FLAD1: variants seen among roughly 807,000 people sequenced by gnomAD.
FLAD1 encodes the protein flavin adenine dinucleotide synthetase 1.
FLAD1 carries 35 observed loss-of-function variants against 55.0 expected under a neutral mutation model. The ratio of observed to expected loss-of-function variants is 0.64; its 90% CI spans 0.49 to 0.84. The LOEUF is 0.84. Ranked by LOEUF, FLAD1 falls within the 40% of genes least tolerant of loss-of-function variation. The pLI is 0.00. For synonymous variants in FLAD1, 267 were observed against 303.0 expected (o/e 0.88, Z 1.23); for missense variants, 665 against 742.6 (o/e 0.90, Z 1.21).
In FLAD1 at chr1:154,983,653, G is replaced by T; in HGVS notation, c.-42G>T. Reference sequence around the variant, plus strand: ...AAAGTGGTAGGTTCTCAAGAGAGAAGAAGTTTTTAAGACTAGAGCTAAGCA... The same window carrying T: ...AAAGTGGTAGGTTCTCAAGAGAGAATAAGTTTTTAAGACTAGAGCTAAGCA... On this transcript the variant is annotated 5_prime_UTR_variant, in exon 1 of 7. Coordinates refer to ENST00000292180, the MANE Select transcript of FLAD1 (RefSeq NM_025207.5). 5 of 1,561,668 alleles carry T rather than the reference G, an allele frequency of 3.2e-6. No homozygotes were observed. Among genetic ancestry groups the T allele is most frequent in the Non-Finnish European group, 4.3e-6 (5 of 1,153,154 alleles).
Position 154,990,504 on chromosome 1 carries a change from A to C in FLAD1, c.1530A>C (p.Ala510=), listed in dbSNP as rs570971151. The C allele has an allele frequency of 4.4e-6, 7 of 1,608,646 alleles. No homozygotes were observed. The highest frequency in any genetic ancestry group is 1.7e-4 in the Middle Eastern group (1 of 6,038). ...GCCCCACTGACCCAGGCTGGCCCGC[A>C]TTCATGCGCATCAACCCACTGCTGG... ...PFSPTDPGWP[A]FMRINPLLDW... Residue 510 remains alanine, a synonymous_variant, in exon 5 of 7, where the codon GCA becomes GCC. Transcript: ENST00000292180.
chr1:154,990,707 A>G (rs1657821951), intron 5 of FLAD1, 179 bp downstream of exon 5: 1 of 569,592 alleles, frequency 1.8e-6, no homozygotes, highest in African/African-American at 1.9e-5. Flanking sequence ...ATTGAGCCCA[A>G]ATTCAATAGC....
rs566034203 is a variant in FLAD1, at chr1:154,990,377, A to T, written c.1403A>T (p.Lys468Met). Residue 468 changes from lysine to methionine, a missense_variant, in exon 5 of 7, where the codon AAG (lysine) becomes ATG (methionine). Transcript: ENST00000292180. ...ATGTTGGAAGCTGAGGGCAGCATGA[A>T]GCAGGCCCTGGGTGAACTGCAGGCA... ...LQMLEAEGSM[K>M]QALGELQARH... The T allele has an allele frequency of 6.2e-6, 10 of 1,614,054 alleles. No homozygotes were observed. The East Asian group carries it at 2.0e-4, about 32-fold the overall frequency.
In FLAD1 at chr1:154,993,036, G is replaced by A. The variant is rs945885147; in HGVS notation, c.1763G>A (p.Ter588=). 5 of 1,613,882 alleles carry A rather than the reference G, an allele frequency of 3.1e-6. No individual in the cohort carries two copies. The African/African-American group carries it at 6.7e-5, about 22-fold the overall frequency. ...GAAGAGGAGCGGAACTCCCGCACAT[G>A]ACCTCCCACCCTAGGAGGGAGGGAA... is the stretch of plus-strand genomic sequence containing the variant. ...NEEEERNSRT[*] Residue 588 remains the stop codon, a stop_retained_variant, in exon 7 of 7, where the codon TGA becomes TAA. Coordinates refer to ENST00000292180, the MANE Select transcript of FLAD1 (RefSeq NM_025207.5).
rs1304517925 is a variant in FLAD1, at chr1:154,993,049, A to G, written c.*12A>G. 6 of 1,611,052 alleles carry G rather than the reference A, an allele frequency of 3.7e-6. No individual in the cohort carries two copies. The highest frequency in any genetic ancestry group is 5.1e-6 in the Non-Finnish European group (6 of 1,177,366). ...ACTCCCGCACATGACCTCCCACCCTAGGAGGGAGGGAAGGACACCGTCCTA... is the reference window on the plus strand; with the variant it reads ...ACTCCCGCACATGACCTCCCACCCTGGGAGGGAGGGAAGGACACCGTCCTA... On this transcript the variant is annotated 3_prime_UTR_variant, in exon 7 of 7. Transcript: ENST00000292180.
At chr1:154,985,914 C>T (rs1169902755) in intron 1 of FLAD1, among the ~76,000 whole-genome samples, 4 of 143,956 alleles carry the variant, frequency 2.8e-5, no homozygotes, top group Non-Finnish European at 6.1e-5. Context: ...TTAGTAGAGA[C>T]GGGGTTTCTC....
rs771744137 is a variant in FLAD1, at chr1:154,988,865, A to G, written c.1117+16A>G. ...GCTGAATCAGGTAGGGACCTTATGG[A>G]GGAGGGGCATTATGCCCAAAGCCAT... On this transcript the variant is annotated intron_variant, in intron 2 of 6. Transcript: ENST00000292180. The G allele has an allele frequency of 1.6e-5, 26 of 1,613,752 alleles. No individual in the cohort carries two copies. The highest frequency in any genetic ancestry group is 2.2e-5 in the Non-Finnish European group (26 of 1,179,808).
At chr1:154,985,404 CTTT>C (rs112698790) in intron 1 of FLAD1, among the ~76,000 whole-genome samples, 1 of 137,272 alleles carries the variant, frequency 7.3e-6, no homozygotes, top group Non-Finnish European at 1.6e-5. Flanking sequence ...TTAATAGACC[CTTT>C]TTTTTTTTTT....
In FLAD1 at chr1:154,983,727, G is replaced by C. The variant is rs923253012; in HGVS notation, c.33G>C (p.Gln11His). Reference protein sequence around the residue: MGWDLGTRLFQRQEQRSRLSR... With the variant: MGWDLGTRLFHRQEQRSRLSR... Reference sequence around the variant, plus strand: ...GGGATTTGGGAACACGTTTATTCCAGAGGCAGGAACAAAGGAGTCGCTTGT... The same window carrying C: ...GGGATTTGGGAACACGTTTATTCCACAGGCAGGAACAAAGGAGTCGCTTGT... Residue 11 changes from glutamine (Q) to histidine (H), a missense_variant, in exon 1 of 7, where the codon CAG becomes CAC. Coordinates refer to ENST00000292180, the MANE Select transcript of FLAD1 (RefSeq NM_025207.5). 4 of 1,613,424 alleles carry C rather than the reference G, an allele frequency of 2.5e-6. No homozygotes were observed. In the Admixed American group the frequency reaches 6.7e-5, roughly 27 times the overall value.
chr1:154,990,214 C>T lies in FLAD1; in HGVS notation c.1321C>T (p.Pro441Ser). Residue 441 changes from proline (P) to serine (S), a missense_variant, in exon 4 of 7, where the codon CCT becomes TCT. By Grantham distance (74) the Pro-to-Ser change is moderately conservative. Coordinates refer to ENST00000292180, the MANE Select transcript of FLAD1 (RefSeq NM_025207.5). ...GATCCTGTATATCCGCAGCATCTCCCCTTTCCCTGAGCTGGAACAGTTTCT... is the reference window on the plus strand; with the variant it reads ...GATCCTGTATATCCGCAGCATCTCCTCTTTCCCTGAGCTGGAACAGTTTCT... ...LQILYIRSISPFPELEQFLQD... is the reference protein window; with the variant it reads ...LQILYIRSISSFPELEQFLQD... The T allele has an allele frequency of 6.2e-7, 1 of 1,614,170 alleles. No homozygotes were observed. Among genetic ancestry groups the T allele is most frequent in the Non-Finnish European group, 8.5e-7 (1 of 1,180,020 alleles).
Position 154,983,746 on chromosome 1 carries a change from C to G in FLAD1, c.52C>G (p.Arg18Gly), listed in dbSNP as rs773063030. Residue 18 changes from arginine to glycine, a missense_variant, in exon 1 of 7, where the codon CGC becomes GGC. Arg to Gly is a moderately radical substitution (Grantham distance 125). Transcript: ENST00000292180. ...ATTCCAGAGGCAGGAACAAAGGAGT[C>G]GCTTGTCAAGGATCTGGTTAGAGAA... ...RLFQRQEQRSRLSRIWLEKTR... is the reference protein window; with the variant it reads ...RLFQRQEQRSGLSRIWLEKTR... The G allele has an allele frequency of 1.2e-6, 2 of 1,613,876 alleles. No homozygotes were observed. The highest frequency in any genetic ancestry group is 2.7e-5 in the African/African-American group (2 of 74,922).
intron 1 of FLAD1, among the ~76,000 whole-genome samples, chr1:154,984,708 CAAAAA>C (rs201533169): frequency 5.1e-5 from 3 of 58,502 alleles, no homozygotes; most frequent in Admixed American, 2.0e-4. Flanking sequence ...AACTCCGTCT[CAAAAA>C]AAAAAAAAAA....
chr1:154,990,110 C>T (rs761913240), intron 3 of FLAD1, 49 bp from the exon 4 acceptor site: 1 of 1,443,860 alleles, frequency 6.9e-7, no homozygotes, highest in South Asian at 1.1e-5. Flanking sequence ...TCAGGGGAGC[C>T]ATTTCCTTGT....
chr1:154,984,014 C>T lies in FLAD1; in HGVS notation c.320C>T (p.Pro107Leu), dbSNP rs773925274. Residue 107 changes from proline to leucine, a missense_variant, in exon 1 of 7, where the codon CCG becomes CTG. By Grantham distance (98) the Pro-to-Leu change is moderately conservative. Coordinates refer to ENST00000292180, the MANE Select transcript of FLAD1 (RefSeq NM_025207.5). ...TMTSRASELS[P>L]GRSVTAGIII... ...ACATCTAGGGCCTCTGAACTTTCTCCGGGGCGCAGCGTGACGGCTGGCATC... is the reference window on the plus strand; with the variant it reads ...ACATCTAGGGCCTCTGAACTTTCTCTGGGGCGCAGCGTGACGGCTGGCATC... The T allele has an allele frequency of 4.2e-5, 64 of 1,513,130 alleles. No individual in the cohort carries two copies. The Middle Eastern group carries it at 1.3e-3, about 30-fold the overall frequency. 93.7% of individuals were successfully genotyped at this position (1,513,130 alleles called of 1,614,324 possible). A position where few individuals can be genotyped will look rare whatever the true frequency, so the allele number is the denominator to read the frequency against.
At position 154,990,026 on chromosome 1, in the gene FLAD1, T is replaced by C. The variant is rs1275305852; in HGVS notation, c.1266-133T>C. The C allele has an allele frequency of 3.7e-6, 3 of 805,694 alleles. No individual in the cohort carries two copies. In the East Asian group the frequency reaches 7.3e-5, roughly 20 times the overall value. 49.9% of individuals were successfully genotyped at this position (805,694 alleles called of 1,614,324 possible). A position where few individuals can be genotyped will look rare whatever the true frequency, so the allele number is the denominator to read the frequency against. On this transcript the variant is annotated intron_variant, in intron 3 of 6. Coordinates refer to ENST00000292180, the MANE Select transcript of FLAD1 (RefSeq NM_025207.5). ...GGCTTCCCAGAGGAAGTGGGTCTAA[T>C]GGATGGAAAGGACAAGGAAAAGGGA... is the stretch of plus-strand genomic sequence containing the variant.
At chr1:154,992,475 A>C (rs1323781441) in intron 5 of FLAD1, 3 of 1,169,258 alleles carry the variant, frequency 2.6e-6, no homozygotes, top group Non-Finnish European at 3.7e-6. Flanking sequence ...CCCTGTCCTC[A>C]AGCTCCACCC....
chr1:154,985,543 C>CA (rs1196828561), intron 1 of FLAD1, among the ~76,000 whole-genome samples: 1 of 151,854 alleles, frequency 6.6e-6, no homozygotes, highest in African/African-American at 2.4e-5. Context: ...GCTGGGACTA[C>CA]AGGCATGTGC....
chr1:154,991,627 G>C (rs1227355608), intron 5 of FLAD1, among the ~76,000 whole-genome samples: 1 of 152,000 alleles, frequency 6.6e-6, no homozygotes, highest in Non-Finnish European at 1.5e-5. Flanking sequence ...TTAGACAGTA[G>C]AGATACAGAA....
At position 154,983,954 on chromosome 1, in the gene FLAD1, G is replaced by A. The variant is rs1486548373; in HGVS notation, c.260G>A (p.Arg87Lys). The change falls in exon 1 of 7, where the codon AGG becomes AAG. Residue 87 changes from arginine to lysine, a missense_variant. Physicochemically the swap from Arg to Lys is conservative, Grantham distance 26. Coordinates refer to ENST00000292180, the MANE Select transcript of FLAD1 (RefSeq NM_025207.5). ...PLFGGLGGYW[R>K]ALQRGREGRT... ...TTTGGGGGTCTGGGTGGCTACTGGA[G>A]GGCCTTGCAGAGGGGCAGAGAAGGC... is the stretch of plus-strand genomic sequence containing the variant. 5 of 1,585,746 alleles carry A rather than the reference G, an allele frequency of 3.2e-6. No individual in the cohort carries two copies. In the African/African-American group the frequency reaches 5.4e-5, roughly 17 times the overall value.
Sources: gnomAD v4.1 joint callset for allele counts (sites outside exome capture counted in the v4.1 genomes callset) on GRCh38, gnomAD v4.1.1 for gene constraint, MANE v1.5 for transcripts, NCBI Gene and HGNC (gene_info 2026-07-23, HGNC 2026-07-21) for gene names.